The following COG4 variants were observed in gnomAD, a reference collection of about 807,000 sequenced individuals.
The protein encoded by COG4 is conserved oligomeric Golgi complex subunit 4.
In COG4, 65 loss-of-function variants were observed where a neutral mutation model predicts 95.1. The ratio of observed to expected loss-of-function variants is 0.68; its 90% CI spans 0.56 to 0.84. The LOEUF is 0.84. Ranked by LOEUF, COG4 falls within the 40% of genes least tolerant of loss-of-function variation. The probability of loss-of-function intolerance (pLI) is 0.00; values close to 1 mark genes in which losing one functional copy is unlikely to be tolerated. For missense variants in COG4, 1,045 were observed against 989.1 expected, an observed-to-expected ratio of 1.06 and a Z score of -0.76; for synonymous variants, 421 against 374.8, an observed-to-expected ratio of 1.12 and a Z score of -1.42.
intron 13 of COG4, among the ~76,000 whole-genome samples, chr16:70,488,219 C>T (rs1383575748): frequency 5.9e-5 from 9 of 151,784 alleles, no homozygotes; most frequent in South Asian, 2.1e-4. Context: ...CTGCAACCTC[C>T]GCCTCCTGGG....
chr16:70,521,302 C>T (rs2049936725), intron 1 of COG4, among the ~76,000 whole-genome samples: 1 of 152,026 alleles, frequency 6.6e-6, no homozygotes. Context: ...CTGCAACCTC[C>T]CTGCCCTGGG....
At chr16:70,505,503 A>AT (rs2049545023) in intron 8 of COG4, among the ~76,000 whole-genome samples, 1 of 145,190 alleles carries the variant, frequency 6.9e-6, no homozygotes, top group Admixed American at 6.8e-5. Context: ...CACCCACTGG[A>AT]TTTTCTTCTA....
chr16:70,519,121 T>TAACAAGGTGTGATGCTGGTACAACTGG (rs1597693605), intron 2 of COG4, among the ~76,000 whole-genome samples: 7 of 89,968 alleles, frequency 7.8e-5, no homozygotes, highest in Admixed American at 1.0e-4. Context: ...TTTGCATTTC[T>TAACAAGGTGTGATGCTGGTACAACTGG]TTTTTTTTTT....
chr16:70,519,524 T>G, intron 2 of COG4, 125 bp downstream of exon 2: 1 of 732,800 alleles, frequency 1.4e-6, no homozygotes, highest in Non-Finnish European at 2.4e-6. Flanking sequence ...CACTTTATCT[T>G]GAGATAATAC....
intron 8 of COG4, among the ~76,000 whole-genome samples, chr16:70,506,622 A>AC (rs2049580023): frequency 3.1e-5 from 4 of 127,630 alleles, no homozygotes; most frequent in Non-Finnish European, 6.6e-5. Flanking sequence ...AAAAAACAAA[A>AC]AAAAAAACAT....
At chr16:70,485,090 C>T (rs755654805) in intron 13 of COG4, among the ~76,000 whole-genome samples, 15 of 152,054 alleles carry the variant, frequency 9.9e-5, no homozygotes, top group Non-Finnish European at 1.8e-4. Context: ...TCAGGAAAGG[C>T]TGAGCATGGT....
intron 1 of COG4, among the ~76,000 whole-genome samples, chr16:70,521,990 C>T (rs1052432489): frequency 1.7e-4 from 26 of 150,944 alleles, no homozygotes; most frequent in African/African-American, 6.1e-4. Context: ...AGTGAGCCAC[C>T]GCGCCAGGCT....
Position 70,482,838 on chromosome 16 carries a change from T to C in COG4, c.1828-17A>G. 1 of 1,604,716 alleles carries C rather than the reference T, an allele frequency of 6.2e-7. No individual in the cohort carries two copies. The highest frequency in any genetic ancestry group is 8.5e-7 in the Non-Finnish European group (1 of 1,171,820). Reference sequence around the variant, plus strand: ...CAGCCCTTCCTGCACAAGGACAAGGTGGAGACATGTGACACAGAAGGCACG... The same window carrying C: ...CAGCCCTTCCTGCACAAGGACAAGGCGGAGACATGTGACACAGAAGGCACG... On this transcript the variant is annotated splice_polypyrimidine_tract_variant and intron_variant, in intron 14 of 18. Transcript: ENST00000323786.
intron 15 of COG4, 118 bp downstream of exon 15, chr16:70,482,611 G>A: frequency 2.5e-6 from 2 of 804,562 alleles, no homozygotes; most frequent in Non-Finnish European, 2.2e-6. Flanking sequence ...GTCAGGGTGG[G>A]GGAAGTGGGC....
chr16:70,510,970 G>T lies in COG4; in HGVS notation c.739-949C>A, dbSNP rs145045834. Among the ~76,000 whole-genome samples, 1,303 of 152,130 alleles carry T rather than the reference G, an allele frequency of 8.6e-3. 15 individuals carry two copies. The highest frequency in any genetic ancestry group is 0.011 in the Non-Finnish European group (725 of 67,994). On this transcript the variant is annotated intron_variant, in intron 5 of 18. Transcript: ENST00000323786. ...AGTAGACACAGGGTTTCACCATGTT[G>T]GCCAGGCTGGTCCTGAACCTCTGAT...
intron 5 of COG4, among the ~76,000 whole-genome samples, chr16:70,510,654 C>A (rs896300475): frequency 6.6e-6 from 1 of 151,652 alleles, no homozygotes; most frequent in Admixed American, 6.6e-5. Context: ...TTCTCAAGCA[C>A]GACAAAACCT....
chr16:70,497,500 T>C, intron 10 of COG4, 113 bp from the exon 11 acceptor site: 2 of 1,014,568 alleles, frequency 2.0e-6, no homozygotes, highest in Non-Finnish European at 3.1e-6. Flanking sequence ...TTGTCCATGT[T>C]TCTCCCAACA....
chr16:70,516,859 G>A (rs770581650), intron 3 of COG4, among the ~76,000 whole-genome samples: 1 of 152,076 alleles, frequency 6.6e-6, no homozygotes, highest in Non-Finnish European at 1.5e-5. Flanking sequence ...TGCCTCTTGG[G>A]GTTAAGCGAT....
intron 9 of COG4, among the ~76,000 whole-genome samples, chr16:70,498,520 G>A (rs1042175916): frequency 6.6e-6 from 1 of 151,666 alleles, no homozygotes; most frequent in East Asian, 1.9e-4. Flanking sequence ...TAGAGACAGG[G>A]TTTCTCCATG....
chr16:70,486,734 C>T (rs541554667), intron 13 of COG4, among the ~76,000 whole-genome samples: 12 of 152,310 alleles, frequency 7.9e-5, no homozygotes, highest in Admixed American at 3.9e-4. Flanking sequence ...CCGTGGCTCA[C>T]GCCTGTAATC....
intron 2 of COG4, among the ~76,000 whole-genome samples, chr16:70,518,524 A>T (rs973491176): frequency 2.0e-5 from 3 of 151,886 alleles, no homozygotes; most frequent in Non-Finnish European, 4.4e-5. Context: ...ATGCCCAACT[A>T]ATTTATTTAT....
At chr16:70,497,001 T>C (rs1047893039) in intron 11 of COG4, among the ~76,000 whole-genome samples, 1 of 152,146 alleles carries the variant, frequency 6.6e-6, no homozygotes, top group African/African-American at 2.4e-5. Flanking sequence ...TAAGGGCCCA[T>C]AGCTCCTTCA....
intron 13 of COG4, among the ~76,000 whole-genome samples, chr16:70,485,199 GTCTC>G (rs1159605797): frequency 4.8e-5 from 7 of 146,106 alleles, no homozygotes; most frequent in Non-Finnish European, 8.9e-5. Flanking sequence ...GTGAGACCCT[GTCTC>G]TCTTTTTTTT....
At chr16:70,509,751 T>C (rs968028430) in intron 6 of COG4, 165 bp downstream of exon 6, 7 of 671,734 alleles carry the variant, frequency 1.0e-5, no homozygotes, top group Non-Finnish European at 1.9e-5. Flanking sequence ...TAATCTTTGC[T>C]AATCAGGCAC....
Sources: gnomAD v4.1 joint callset for allele counts (sites outside exome capture counted in the v4.1 genomes callset) on GRCh38, gnomAD v4.1.1 for gene constraint, MANE v1.5 for transcripts, NCBI Gene and HGNC (gene_info 2026-07-23, HGNC 2026-07-21) for gene names.